Variants in ATP2B4 observed in about 807,000 individuals in gnomAD.
ATP2B4 encodes plasma membrane calcium-transporting ATPase 4.
In ATP2B4, 39 loss-of-function variants were observed where a neutral mutation model predicts 110.3. The observed-to-expected ratio is 0.35, with a 90% CI of 0.27 to 0.46. The LOEUF (loss-of-function observed/expected upper bound fraction) is 0.46, where lower values mean the gene tolerates loss of function less well. ATP2B4 is among the 20% of genes least tolerant of loss of function. The pLI is 1.00. For synonymous variants in ATP2B4, 538 were observed against 571.7 expected, an observed-to-expected ratio of 0.94 and a Z score of 0.84; for missense variants, 1,135 against 1,530.9, an observed-to-expected ratio of 0.74 and a Z score of 4.32.
At chr1:203,703,915 C>CTGAA (rs1182420022) in intron 8 of ATP2B4, 102 bp downstream of exon 8, 2 of 1,422,264 alleles carry the variant, frequency 1.4e-6, no homozygotes, top group Non-Finnish European at 1.9e-6. Flanking sequence ...CAGAAAGAAG[C>CTGAA]TGAAACTTCA....
At chr1:203,684,843 G>C (rs1665133332) in intron 2 of ATP2B4, among the ~76,000 whole-genome samples, 1 of 151,842 alleles carries the variant, frequency 6.6e-6, no homozygotes, top group Non-Finnish European at 1.5e-5. Context: ...TTTTTTGTTT[G>C]TTTTGTTTTT....
intron 1 of ATP2B4, among the ~76,000 whole-genome samples, chr1:203,656,180 C>T (rs1248522270): frequency 6.6e-6 from 1 of 151,950 alleles, no homozygotes; most frequent in Non-Finnish European, 1.5e-5. Flanking sequence ...TAACACCTTA[C>T]TTTTTTATGT....
intron 1 of ATP2B4, among the ~76,000 whole-genome samples, chr1:203,641,387 G>A (rs1287520765): frequency 6.6e-6 from 1 of 152,168 alleles, no homozygotes; most frequent in African/African-American, 2.4e-5. Flanking sequence ...TTTTCATCAG[G>A]TCTAGGGGTG....
intron 20 of ATP2B4, chr1:203,728,131 A>G (rs1180323496): frequency 1.1e-5 from 5 of 450,010 alleles, no homozygotes; most frequent in Non-Finnish European, 2.3e-5. Flanking sequence ...AAAAATGACA[A>G]TAGTCTCTTG....
intron 1 of ATP2B4, among the ~76,000 whole-genome samples, chr1:203,662,305 CAT>C: frequency 6.6e-6 from 1 of 152,358 alleles, no homozygotes; most frequent in African/African-American, 2.4e-5. Context: ...GGATTACAGG[CAT>C]GAGCCACCGC....
At chr1:203,647,169 A>G (rs556935044) in intron 1 of ATP2B4, among the ~76,000 whole-genome samples, 12 of 151,650 alleles carry the variant, frequency 7.9e-5, no homozygotes, top group African/African-American at 2.9e-4. Flanking sequence ...GCTGGGCACA[A>G]TGGCCCATAC....
chr1:203,693,347 A>G (rs1356457796), intron 2 of ATP2B4, among the ~76,000 whole-genome samples: 1 of 152,198 alleles, frequency 6.6e-6, no homozygotes, highest in Non-Finnish European at 1.5e-5. Context: ...CAAGGCTACT[A>G]CAGCTAAGAG....
At chr1:203,671,472 C>T (rs1664660134) in intron 1 of ATP2B4, among the ~76,000 whole-genome samples, 1 of 152,214 alleles carries the variant, frequency 6.6e-6, no homozygotes, top group South Asian at 2.1e-4. Flanking sequence ...TCCTGCCCAT[C>T]TTGAACCACC....
chr1:203,638,448 G>C (rs912118349), intron 1 of ATP2B4, among the ~76,000 whole-genome samples: 5 of 152,230 alleles, frequency 3.3e-5, no homozygotes, highest in African/African-American at 1.2e-4. Context: ...GACAGGCACA[G>C]CAAGCAGCAA....
chr1:203,728,317 C>T, intron 20 of ATP2B4: 1 of 379,334 alleles, frequency 2.6e-6, no homozygotes, highest in South Asian at 2.0e-5. Flanking sequence ...ACTTTCCATG[C>T]ATCAATTGTA....
At chr1:203,718,186 T>G (rs1221195826) in intron 15 of ATP2B4, among the ~76,000 whole-genome samples, 4 of 152,120 alleles carry the variant, frequency 2.6e-5, no homozygotes, top group African/African-American at 9.6e-5. Context: ...GAATTACATA[T>G]TTTTTATTCC....
intron 20 of ATP2B4, among the ~76,000 whole-genome samples, chr1:203,738,097 C>A (rs934466427): frequency 2.0e-5 from 3 of 151,992 alleles, no homozygotes; most frequent in Admixed American, 6.6e-5. Context: ...AGGTACCCTA[C>A]CCCCACCTTC....
At position 203,630,687 on chromosome 1, in the gene ATP2B4, A is replaced by G. The variant is rs1054165443; in HGVS notation, c.-465+3468A>G. On this transcript the variant is annotated intron_variant, in intron 1 of 20. Transcript: ENST00000357681. Reference sequence around the variant, plus strand: ...TTCCCCCGAAGGGCGCCCCTCAGACAAGGCTCCCTACCCAGCCCAGTTCCC... The same window carrying G: ...TTCCCCCGAAGGGCGCCCCTCAGACGAGGCTCCCTACCCAGCCCAGTTCCC... Among the ~76,000 whole-genome samples, 11 of 152,154 alleles carry G rather than the reference A, an allele frequency of 7.2e-5. No individual in the cohort carries two copies. In the South Asian group the frequency reaches 1.0e-3, roughly 14 times the overall value.
In ATP2B4 at chr1:203,661,751, G is replaced by C. The variant is rs566458523; in HGVS notation, c.-464-20991G>C. On this transcript the variant is annotated intron_variant, in intron 1 of 20. Coordinates refer to ENST00000357681, the MANE Select transcript of ATP2B4 (RefSeq NM_001684.5). ...CTTTGCCAGGTCCCTTGAGTTCTTT[G>C]ATGTTGTGCCAGGCTCTGTGTGGGC... 3.9e-5 allele frequency among the ~76,000 whole-genome samples: 6 copies of C among 152,112 alleles called. No individual in the cohort carries two copies. The East Asian group carries it at 1.2e-3, about 29-fold the overall frequency.
intron 20 of ATP2B4, among the ~76,000 whole-genome samples, chr1:203,738,125 A>G (rs560418438): frequency 1.1e-4 from 17 of 152,042 alleles, no homozygotes; most frequent in Admixed American, 5.9e-4. Context: ...CTACCCCTCC[A>G]ACCTCAACAG....
rs949741968 is a variant in ATP2B4, at chr1:203,703,524, C to T, written c.938-128C>T. The T allele has an allele frequency of 8.4e-6, 9 of 1,068,608 alleles. No individual in the cohort carries two copies. In the East Asian group the frequency reaches 1.2e-4, roughly 14 times the overall value. The allele number at this position is 1,068,608 out of a possible 1,614,324, so 66.2% of individuals were successfully genotyped here. Reference sequence around the variant, plus strand: ...ATGTCTAGCATGGGTTGGAAGTGGTCGGAACTGATGTCAGGGTCCAAGGTA... The same window carrying T: ...ATGTCTAGCATGGGTTGGAAGTGGTTGGAACTGATGTCAGGGTCCAAGGTA... On this transcript the variant is annotated intron_variant, in intron 7 of 20. Transcript: ENST00000357681.
In ATP2B4 at chr1:203,706,654, G is replaced by A. The variant is rs3766751; in HGVS notation, c.1100-355G>A. On this transcript the variant is annotated intron_variant, in intron 8 of 20. Coordinates refer to ENST00000357681, the MANE Select transcript of ATP2B4 (RefSeq NM_001684.5). ...TATGAATCGCAGGGAGAGGGTGGGC[G>A]TGGAATAGGATCATAGAAAGCTGTT... Among the ~76,000 whole-genome samples the A allele has an allele frequency of 4.0e-3, 602 of 152,224 alleles. 7 individuals are homozygous for A. Among genetic ancestry groups the A allele is most frequent in the East Asian group, 0.029 (151 of 5,172 alleles).
rs201717954 is a variant in ATP2B4 at position 203,674,113 on chromosome 1, GC to G, written c.-464-8628del. The stretch of plus-strand genomic sequence containing the variant: ...GCTGCGTCCTGTCTGTGGCCTAGAA[GC>G]TTCCTGCCGCAGCTCTGAGGAGTGA... On this transcript the variant is annotated intron_variant, in intron 1 of 20. Coordinates refer to ENST00000357681, the MANE Select transcript of ATP2B4 (RefSeq NM_001684.5). Among the ~76,000 whole-genome samples the G allele has an allele frequency of 2.6e-3, 394 of 152,304 alleles. 4 individuals are homozygous for G. The highest frequency in any genetic ancestry group is 0.015 in the East Asian group (80 of 5,188).
intron 2 of ATP2B4, among the ~76,000 whole-genome samples, chr1:203,694,893 A>G (rs1665487250): frequency 6.6e-6 from 1 of 152,164 alleles, no homozygotes; most frequent in Non-Finnish European, 1.5e-5. Flanking sequence ...ATTGGACTTT[A>G]GATATATTTT....
Sources: gnomAD v4.1 joint callset for allele counts (sites outside exome capture counted in the v4.1 genomes callset) on GRCh38, gnomAD v4.1.1 for gene constraint, MANE v1.5 for transcripts, NCBI Gene and HGNC (gene_info 2026-07-23, HGNC 2026-07-21) for gene names.